The following PTPRT variants were observed in gnomAD, a reference collection of about 807,000 sequenced individuals.
PTPRT encodes receptor-type tyrosine-protein phosphatase T.
Under a neutral mutation model 176.8 loss-of-function variants are expected in PTPRT, and 56 were observed. That is an observed-to-expected ratio of 0.32 (90% CI 0.26 to 0.40). The LOEUF (loss-of-function observed/expected upper bound fraction) is 0.40. PTPRT is among the 10% of genes least tolerant of loss of function. The pLI, the probability that PTPRT is intolerant of heterozygous loss-of-function variation, is 1.00. For synonymous variants in PTPRT, 783 were observed against 739.0 expected, an observed-to-expected ratio of 1.06 and a Z score of -0.96; for missense variants, 1,540 against 1,908.2, an observed-to-expected ratio of 0.81 and a Z score of 3.60.
chr20:43,142,095 CA>C (rs1367670815), intron 1 of PTPRT, among the ~76,000 whole-genome samples: 3 of 152,234 alleles, frequency 2.0e-5, no homozygotes, highest in Admixed American at 2.0e-4. Flanking sequence ...ACAGCAGGAA[CA>C]ATCTAAGAAT....
chr20:42,141,495 C>T (rs1988626942), intron 18 of PTPRT, among the ~76,000 whole-genome samples: 1 of 152,224 alleles, frequency 6.6e-6, no homozygotes, highest in Admixed American at 6.5e-5. Flanking sequence ...AGGTTGCTGC[C>T]AAAGTCCTCC....
intron 7 of PTPRT, among the ~76,000 whole-genome samples, chr20:42,631,118 C>T (rs2074395622): frequency 6.6e-6 from 1 of 152,020 alleles, no homozygotes; most frequent in Non-Finnish European, 1.5e-5. Flanking sequence ...CAAAAGAGGT[C>T]AAGCTAATAA....
At chr20:42,790,603 C>T (rs984337270) in intron 3 of PTPRT, among the ~76,000 whole-genome samples, 3 of 152,164 alleles carry the variant, frequency 2.0e-5, no homozygotes, top group Admixed American at 1.3e-4. Context: ...GTACCTTAAA[C>T]AACTTAGACT....
chr20:42,382,114 C>A (rs1302685220), intron 9 of PTPRT, among the ~76,000 whole-genome samples: 1 of 152,164 alleles, frequency 6.6e-6, no homozygotes, highest in Non-Finnish European at 1.5e-5. Flanking sequence ...AAGCTTTGCA[C>A]CCCATTTACA....
chr20:43,153,914 CAGGTGGCTTGT>C lies in PTPRT; in HGVS notation c.88+35721_88+35731del, dbSNP rs572536854. Among the ~76,000 whole-genome samples, 165 of 152,274 alleles carry C rather than the reference CAGGTGGCTTGT, an allele frequency of 1.1e-3. 1 individual carries two copies. The highest frequency in any genetic ancestry group is 1.8e-3 in the Non-Finnish European group (120 of 68,022). On this transcript the variant is annotated intron_variant, in intron 1 of 30. Coordinates refer to ENST00000373187, the MANE Select transcript of PTPRT (RefSeq NM_007050.6). The stretch of plus-strand genomic sequence containing the variant: ...GCGAATGAAGCCAGCCTCTCAGAAT[CAGGTGGCTTGT>C]AGAGAAACCTCTAGAGATGGCTCCA...
chr20:42,049,311 C>T, the PTPRT span, among the ~76,000 whole-genome samples: 1 of 152,234 alleles, frequency 6.6e-6, no homozygotes, highest in Non-Finnish European at 1.5e-5. Context: ...TCTTACTCTT[C>T]CAGAAGGCCC....
At chr20:42,861,938 A>G (rs1376136662) in intron 2 of PTPRT, among the ~76,000 whole-genome samples, 2 of 152,196 alleles carry the variant, frequency 1.3e-5, no homozygotes, top group East Asian at 3.8e-4. Context: ...GAATAAAGAG[A>G]TAGGCAGCTG....
intron 9 of PTPRT, among the ~76,000 whole-genome samples, chr20:42,355,216 T>C (rs1487681975): frequency 6.6e-6 from 1 of 152,158 alleles, no homozygotes; most frequent in African/African-American, 2.4e-5. Context: ...CTCCCCCTCC[T>C]TGGTATTCCT....
chr20:42,212,892 G>A (rs2055678473), intron 15 of PTPRT, among the ~76,000 whole-genome samples: 1 of 152,146 alleles, frequency 6.6e-6, no homozygotes, highest in African/African-American at 2.4e-5. Context: ...AACCTCCATT[G>A]ATGCAGTCTA....
chr20:42,145,193 A>T (rs1159969728), intron 17 of PTPRT, among the ~76,000 whole-genome samples: 10 of 152,218 alleles, frequency 6.6e-5, no homozygotes, highest in Non-Finnish European at 7.3e-5. Context: ...GTTCAAATAC[A>T]TCTCTATTTA....
chr20:42,623,382 G>T (rs1480350951), intron 7 of PTPRT, among the ~76,000 whole-genome samples: 1 of 152,194 alleles, frequency 6.6e-6, no homozygotes, highest in East Asian at 1.9e-4. Flanking sequence ...TCCCGTAAGG[G>T]GTTTGAGCTT....
chr20:42,508,927 A>ATTTAATTTATAGATATAAATT (rs2071900364), intron 7 of PTPRT, among the ~76,000 whole-genome samples: 5 of 143,984 alleles, frequency 3.5e-5, no homozygotes, highest in African/African-American at 1.3e-4. Flanking sequence ...AAATATAAAT[A>ATTTAATTTATAGATATAAATT]ATATAATTTA....
chr20:42,351,685 AATTCATTCATTC>A (rs56938076), intron 10 of PTPRT, among the ~76,000 whole-genome samples: 1 of 150,832 alleles, frequency 6.6e-6, no homozygotes, highest in African/African-American at 2.4e-5. Context: ...CTATAATAGT[AATTCATTCATTC>A]ATTCATTCAT....
intron 1 of PTPRT, among the ~76,000 whole-genome samples, chr20:43,086,594 A>G (rs2011611300): frequency 6.6e-6 from 1 of 152,352 alleles, no homozygotes; most frequent in East Asian, 1.9e-4. Flanking sequence ...GTGAATTACT[A>G]ATTTTCAAAA....
chr20:42,191,913 A>G (rs2146642523), intron 16 of PTPRT, among the ~76,000 whole-genome samples: 1 of 152,220 alleles, frequency 6.6e-6, no homozygotes, highest in South Asian at 2.1e-4. Flanking sequence ...TCAAACAAGT[A>G]CTCAATGAGT....
At chr20:42,213,349 CT>C (rs2055691940) in intron 15 of PTPRT, among the ~76,000 whole-genome samples, 1 of 106,532 alleles carries the variant, frequency 9.4e-6, no homozygotes, top group African/African-American at 2.9e-5. Flanking sequence ...CTCCAGATAT[CT>C]CATTGAGTTG....
chr20:42,142,068 C>T, intron 17 of PTPRT, 66 bp from the exon 18 acceptor site: 1 of 1,385,548 alleles, frequency 7.2e-7, no homozygotes, highest in Non-Finnish European at 1.0e-6. Flanking sequence ...TGGAGATGAA[C>T]CAACAGGGCA....
At chr20:42,606,710 A>G (rs936991457) in intron 7 of PTPRT, 6 of 152,172 alleles carry the variant, frequency 3.9e-5, no homozygotes, top group African/African-American at 1.4e-4. Context: ...CTCACACTCA[A>G]TGTGATTAAT....
intron 27 of PTPRT, among the ~76,000 whole-genome samples, chr20:42,086,753 A>ATATATATATATATATAT (rs60067837): frequency 4.4e-4 from 42 of 95,370 alleles, no homozygotes; most frequent in Non-Finnish European, 6.9e-4. Flanking sequence ...AAAAAAAAAA[A>ATATATATATATATATAT]ATATATATAT....
Sources: allele counts gnomAD v4.1 joint callset (sites outside exome capture counted in the v4.1 genomes callset), GRCh38; gene constraint gnomAD v4.1.1; transcripts MANE v1.5; gene names NCBI Gene and HGNC (gene_info 2026-07-23, HGNC 2026-07-21).